Variants in CFAP77 observed in about 807,000 individuals in gnomAD.
The protein encoded by CFAP77 is cilia and flagella associated protein 77.
CFAP77 carries 25 observed loss-of-function variants against 31.1 expected under a neutral mutation model. The observed-to-expected ratio is 0.80, with a 90% CI of 0.59 to 1.12. The LOEUF (loss-of-function observed/expected upper bound fraction) is 1.12. CFAP77 is among the 50% of genes most tolerant of loss of function. CFAP77 has a pLI of 0.00. For synonymous variants in CFAP77, 151 were observed against 159.9 expected, an observed-to-expected ratio of 0.94 and a Z score of 0.42; for missense variants, 377 against 397.3, an observed-to-expected ratio of 0.95 and a Z score of 0.44.
At chr9:132,530,065 G>T (rs1457359127) in intron 3 of CFAP77, among the ~76,000 whole-genome samples, 2 of 144,102 alleles carry the variant, frequency 1.4e-5, no homozygotes, top group Non-Finnish European at 3.0e-5. Flanking sequence ...TCATGTGTTT[G>T]TTTGCCATCC....
chr9:132,543,172 G>A, intron 5 of CFAP77, 125 bp downstream of exon 5: 1 of 716,576 alleles, frequency 1.4e-6, no homozygotes, highest in Non-Finnish European at 2.5e-6. Context: ...AACAGCCGCA[G>A]CAGCAATCGC....
intron 5 of CFAP77, among the ~76,000 whole-genome samples, chr9:132,566,491 G>A (rs1829885428): frequency 6.6e-6 from 1 of 152,214 alleles, no homozygotes; most frequent in Non-Finnish European, 1.5e-5. Context: ...TTGACAAGGG[G>A]CTCAACATGC....
At chr9:132,446,243 G>A (rs1330328113) in intron 1 of CFAP77, among the ~76,000 whole-genome samples, 2 of 152,086 alleles carry the variant, frequency 1.3e-5, no homozygotes, top group African/African-American at 4.8e-5. Context: ...AAATTAAAGA[G>A]TCTGCTCGGT....
chr9:132,448,160 TACACACACGCACACATGCACAC>T (rs1394221374), intron 1 of CFAP77, among the ~76,000 whole-genome samples: 54 of 150,994 alleles, frequency 3.6e-4, no homozygotes, highest in African/African-American at 1.2e-3. Context: ...TGGATCAAGA[TACACACACGCACACATGCACAC>T]ACACACACGC....
intron 5 of CFAP77, among the ~76,000 whole-genome samples, chr9:132,569,975 C>T (rs895541246): frequency 2.6e-5 from 4 of 152,108 alleles, no homozygotes; most frequent in African/African-American, 7.2e-5. Flanking sequence ...ACAAGTGATC[C>T]GCCCACCTTG....
chr9:132,550,192 C>G (rs1852802068), intron 5 of CFAP77, among the ~76,000 whole-genome samples: 1 of 152,370 alleles, frequency 6.6e-6, no homozygotes, highest in Admixed American at 6.5e-5. Flanking sequence ...CCCCCTTCAT[C>G]CTTCCAGCTC....
At position 132,558,521 on chromosome 9, in the gene CFAP77, G is replaced by A. The variant is rs536302024; in HGVS notation, c.733-13867G>A. Among the ~76,000 whole-genome samples, 229 of 152,118 alleles carry A rather than the reference G, an allele frequency of 1.5e-3. 1 individual carries two copies. Among genetic ancestry groups the A allele is most frequent in the Non-Finnish European group, 2.5e-3 (172 of 67,990 alleles). ...GGAGTTCAAGACTAGCCTGGCCAACGTGGTGAAACCCCATCTCTACTAAAA... is the reference window on the plus strand; with the variant it reads ...GGAGTTCAAGACTAGCCTGGCCAACATGGTGAAACCCCATCTCTACTAAAA... On this transcript the variant is annotated intron_variant, in intron 5 of 5. Transcript: ENST00000393216.
chr9:132,458,348 A>C (rs492431), intron 1 of CFAP77, among the ~76,000 whole-genome samples: 14 of 103,770 alleles, frequency 1.3e-4, no homozygotes, highest in South Asian at 6.8e-4. Context: ...CTGGCGGGGG[A>C]GGGGGGGGGG....
Position 132,514,383 on chromosome 9 carries a change from C to T in CFAP77, c.524+14783C>T, listed in dbSNP as rs1009879136. On this transcript the variant is annotated intron_variant, in intron 3 of 5. Transcript: ENST00000393216. ...ACTGAGGCCCACAGGTGAGGCTGTCCGCTGAGTTACACACACTTGTTGAGA... is the reference window on the plus strand; with the variant it reads ...ACTGAGGCCCACAGGTGAGGCTGTCTGCTGAGTTACACACACTTGTTGAGA... Among the ~76,000 whole-genome samples the T allele has an allele frequency of 4.1e-5, 6 of 146,522 alleles. No individual in the cohort carries two copies. The East Asian group carries it at 8.1e-4, about 20-fold the overall frequency.
In CFAP77 at chr9:132,424,523, G is replaced by C. The variant is rs111872468; in HGVS notation, c.195+14057G>C. ...ACAGGTGTAGACAATGGCTAGACAA[G>C]GTGAGAAATTGGCTGCCATGAGCTT... On this transcript the variant is annotated intron_variant, in intron 1 of 5. Coordinates refer to ENST00000393216, the MANE Select transcript of CFAP77 (RefSeq NM_001282957.2). The surrounding 1 kb of genome is among the most constrained non-coding windows in gnomAD (Gnocchi z 4.1). Among the ~76,000 whole-genome samples the C allele has an allele frequency of 6.6e-6, 1 of 152,228 alleles. No homozygotes were observed. Among genetic ancestry groups the C allele is most frequent in the African/African-American group, 2.4e-5 (1 of 41,462 alleles).
chr9:132,507,047 C>T (rs1377893434), intron 3 of CFAP77, among the ~76,000 whole-genome samples: 1 of 152,184 alleles, frequency 6.6e-6, no homozygotes, highest in Admixed American at 6.5e-5. Context: ...TTTCTTAAGG[C>T]TTTAGAACTT....
At chr9:132,507,141 C>A (rs1340440058) in intron 3 of CFAP77, among the ~76,000 whole-genome samples, 1 of 152,214 alleles carries the variant, frequency 6.6e-6, no homozygotes, top group African/African-American at 2.4e-5. Context: ...CAACCACTTC[C>A]TGATAAACTC....
Position 132,501,417 on chromosome 9 carries a change from T to G in CFAP77, c.524+1817T>G, listed in dbSNP as rs944763976. Among the ~76,000 whole-genome samples, 1 of 151,524 alleles carries G rather than the reference T, an allele frequency of 6.6e-6. No individual in the cohort carries two copies. The highest frequency in any genetic ancestry group is 2.4e-5 in the African/African-American group (1 of 41,258). ...TGACTATCTTCTTTTTTTTTTTTTT[T>G]GGACAGTGTCTCTGTCTGTCCCCCA... is the stretch of plus-strand genomic sequence containing the variant. On this transcript the variant is annotated intron_variant, in intron 3 of 5. Coordinates refer to ENST00000393216, the MANE Select transcript of CFAP77 (RefSeq NM_001282957.2). This position sits in a 1 kb window ranked among gnomAD's most constrained non-coding sequence, Gnocchi z 4.6.
chr9:132,419,682 C>CTT (rs139792945), intron 1 of CFAP77, among the ~76,000 whole-genome samples: 41 of 151,420 alleles, frequency 2.7e-4, no homozygotes, highest in African/African-American at 9.7e-4. Context: ...AAGATATTGG[C>CTT]TTTTTTTTTC....
chr9:132,451,966 G>C (rs531681752), intron 1 of CFAP77, among the ~76,000 whole-genome samples: 4 of 151,740 alleles, frequency 2.6e-5, no homozygotes, highest in African/African-American at 9.7e-5. Flanking sequence ...CACTATGCCC[G>C]ACTAATTTTT....
At chr9:132,412,752 A>C (rs565232412) in intron 1 of CFAP77, among the ~76,000 whole-genome samples, 4 of 152,306 alleles carry the variant, frequency 2.6e-5, no homozygotes, top group African/African-American at 9.6e-5. Context: ...TTTTTTAAAA[A>C]AATTATGAAA....
rs138000167 is a variant in CFAP77 at position 132,423,783 on chromosome 9, A to C, written c.195+13317A>C. On this transcript the variant is annotated intron_variant, in intron 1 of 5. Coordinates refer to ENST00000393216, the MANE Select transcript of CFAP77 (RefSeq NM_001282957.2). ...GGCTCAGAAACATGCCCAAGGCCAC[A>C]TGAAGGGTAAATGGCAGGATTGGGG... Among the ~76,000 whole-genome samples the C allele has an allele frequency of 2.6e-4, 40 of 152,372 alleles. No homozygotes were observed. In the Middle Eastern group the frequency reaches 0.01, roughly 39 times the overall value.
intron 1 of CFAP77, among the ~76,000 whole-genome samples, chr9:132,426,033 C>T (rs1286799678): frequency 6.6e-6 from 1 of 152,226 alleles, no homozygotes; most frequent in Non-Finnish European, 1.5e-5. Context: ...GAAGCATTCA[C>T]AAGCCGGCCA....
At chr9:132,537,807 C>A in intron 4 of CFAP77, 101 bp downstream of exon 4, 2 of 833,222 alleles carry the variant, frequency 2.4e-6, no homozygotes, top group South Asian at 1.6e-5. Flanking sequence ...GTATGTTTGT[C>A]ATTGGGGATG....
Sources: gnomAD v4.1 joint callset for allele counts (sites outside exome capture counted in the v4.1 genomes callset) on GRCh38, gnomAD v4.1.1 for gene constraint, Gnocchi (gnomAD v3.1) non-coding constraint, MANE v1.5 for transcripts, NCBI Gene and HGNC (gene_info 2026-07-23, HGNC 2026-07-21) for gene names.